The following EPG5 variants were observed in gnomAD, a reference collection of about 807,000 sequenced individuals.
The protein encoded by EPG5 is ectopic P-granules 5 autophagy tethering factor, also known as ectopic P granules protein 5 homolog.
EPG5 carries 159 observed loss-of-function variants against 302.7 expected under a neutral mutation model. That is an observed-to-expected ratio of 0.53 (90% CI 0.46 to 0.60). The LOEUF (loss-of-function observed/expected upper bound fraction) is 0.60. Ranked by LOEUF, EPG5 falls within the 20% of genes least tolerant of loss-of-function variation. EPG5 has a pLI of 0.00. For synonymous variants in EPG5, 1,158 were observed against 1,136.8 expected, an observed-to-expected ratio of 1.02 and a Z score of -0.37; for missense variants, 2,896 against 3,092.4, an observed-to-expected ratio of 0.94 and a Z score of 1.51.
chr18:45,883,067 C>A (rs2049134851), intron 30 of EPG5, among the ~76,000 whole-genome samples: 1 of 149,862 alleles, frequency 6.7e-6, no homozygotes, highest in Non-Finnish European at 1.5e-5. Context: ...GCATCTATTT[C>A]TGTGTTACTA....
chr18:45,915,802 C>CG (rs1407123728), intron 19 of EPG5, among the ~76,000 whole-genome samples, 181 bp from the exon 20 acceptor site: 1 of 152,176 alleles, frequency 6.6e-6, no homozygotes, highest in African/African-American at 2.4e-5. Flanking sequence ...ATGTAACAAG[C>CG]GGGACTCTTC....
chr18:45,889,026 C>T (rs1375544082), intron 28 of EPG5, among the ~76,000 whole-genome samples: 2 of 152,040 alleles, frequency 1.3e-5, no homozygotes, highest in East Asian at 3.9e-4. Context: ...TTTTTGTGTC[C>T]CTTTCCCAGT....
chr18:45,965,346 C>T lies in EPG5; in HGVS notation c.63+1831G>A, dbSNP rs79139670. Among the ~76,000 whole-genome samples the T allele has an allele frequency of 7.0e-3, 1,064 of 152,314 alleles. 11 individuals carry two copies. The highest frequency in any genetic ancestry group is 0.024 in the African/African-American group (1,000 of 41,556). On this transcript the variant is annotated intron_variant, in intron 1 of 43. Transcript: ENST00000282041. ...AAGGATAAAAAAACCACCTGTCAAG[C>T]ACTATACTCATTACCTGGGTGACAA... is the stretch of plus-strand genomic sequence containing the variant.
intron 4 of EPG5, 83 bp from the exon 5 acceptor site, chr18:45,949,674 G>T: frequency 1.2e-6 from 1 of 803,608 alleles, no homozygotes; most frequent in East Asian, 2.7e-5. Context: ...CATTTATCCA[G>T]TGCTTCAATA....
chr18:45,953,067 G>T (rs1568185717), intron 2 of EPG5, among the ~76,000 whole-genome samples: 1 of 152,022 alleles, frequency 6.6e-6, no homozygotes, highest in Non-Finnish European at 1.5e-5. Flanking sequence ...CAGCTACTCG[G>T]GAGGCTGAAG....
At chr18:45,840,182 T>C in the EPG5 span, 2 of 1,612,722 alleles carry the variant, frequency 1.2e-6, no homozygotes, top group East Asian at 2.2e-5. Context: ...TGGAGATTCA[T>C]GCCTGCTCTC....
In EPG5 at chr18:45,949,578, T is replaced by G. The variant is rs1171711393; in HGVS notation, c.1403A>C (p.Gln468Pro). The change falls in exon 5 of 44, where the codon CAA (glutamine) becomes CCA (proline). Residue 468 changes from glutamine (Q) to proline (P), a missense_variant. Coordinates refer to ENST00000282041, the MANE Select transcript of EPG5 (RefSeq NM_020964.3). Reference protein sequence around the residue: ...LWLQKLVSVLQRVGCPGDHLF... With the variant: ...LWLQKLVSVLPRVGCPGDHLF... ...GTGATCTCCAGGACAGCCAACTCTT[T>G]GTAGCACGGATACCTGAACAATAAA... is the stretch of plus-strand genomic sequence containing the variant. The G allele has an allele frequency of 6.2e-7, 1 of 1,609,508 alleles. No individual in the cohort carries two copies. Among genetic ancestry groups the G allele is most frequent in the Admixed American group, 1.7e-5 (1 of 59,950 alleles).
the EPG5 span, among the ~76,000 whole-genome samples, chr18:45,837,335 C>T: frequency 6.6e-6 from 1 of 152,192 alleles, no homozygotes; most frequent in Non-Finnish European, 1.5e-5. Flanking sequence ...CAGGAATTGC[C>T]CCTCAAGTCA....
chr18:45,838,716 A>T, the EPG5 span: 1 of 1,570,828 alleles, frequency 6.4e-7, no homozygotes, highest in South Asian at 1.2e-5. Flanking sequence ...TCTCCCCTGC[A>T]GCCGCGCCGC....
chr18:45,807,021 G>C, the EPG5 span, among the ~76,000 whole-genome samples: 2 of 152,174 alleles, frequency 1.3e-5, no homozygotes, highest in African/African-American at 4.8e-5. Context: ...CAGTGCTATT[G>C]GCAGGCGGGG....
At chr18:45,938,566 T>C (rs114009024) in intron 10 of EPG5, among the ~76,000 whole-genome samples, 566 of 152,266 alleles carry the variant, frequency 3.7e-3, no homozygotes, top group African/African-American at 0.013. Flanking sequence ...TAAGACCTCC[T>C]GATCTTTCTC....
At chr18:45,905,497 T>G (rs900198639) in intron 24 of EPG5, among the ~76,000 whole-genome samples, 1 of 152,230 alleles carries the variant, frequency 6.6e-6, no homozygotes, top group Non-Finnish European at 1.5e-5. Flanking sequence ...GTGTTCAATG[T>G]GCTGGGCTAG....
At chr18:45,813,615 G>C in the EPG5 span, among the ~76,000 whole-genome samples, 4 of 152,156 alleles carry the variant, frequency 2.6e-5, no homozygotes, top group Admixed American at 2.6e-4. Context: ...GTCCTTTGTA[G>C]GGACGTGGAT....
chr18:45,906,722 T>C (rs917521616), intron 24 of EPG5, among the ~76,000 whole-genome samples: 11 of 151,946 alleles, frequency 7.2e-5, no homozygotes, highest in Non-Finnish European at 1.0e-4. Context: ...TGGTGCAATC[T>C]CAGCTCACTG....
At chr18:45,844,592 C>T (rs527281879), downstream of EPG5, among the ~76,000 whole-genome samples, 135 of 152,222 alleles carry the variant, frequency 8.9e-4, no homozygotes, top group Non-Finnish European at 1.5e-3. Context: ...TCCAGGGAGA[C>T]GGTCTGAAGG....
chr18:45,924,290 C>T (rs962117764), intron 14 of EPG5, among the ~76,000 whole-genome samples: 1 of 152,190 alleles, frequency 6.6e-6, no homozygotes. Flanking sequence ...AAGAGGAGAG[C>T]CTAGGTGATT....
rs2145146401 is a variant in EPG5 at position 45,852,459 on chromosome 18, A to G, written c.*8T>C. On this transcript the variant is annotated 3_prime_UTR_variant, in exon 44 of 44. Transcript: ENST00000282041. ...CAGCAATGGGTTTTTCAAGAGCCTC[A>G]GTGTTAACTATCGTATGTGGTCCAA... is the stretch of plus-strand genomic sequence containing the variant. The G allele has an allele frequency of 6.2e-7, 1 of 1,601,234 alleles. No homozygotes were observed. The highest frequency in any genetic ancestry group is 8.5e-7 in the Non-Finnish European group (1 of 1,175,648).
chr18:45,916,656 G>C (rs2050040624), intron 17 of EPG5, 74 bp from the exon 18 acceptor site: 2 of 1,432,776 alleles, frequency 1.4e-6, no homozygotes, highest in East Asian at 2.5e-5. Flanking sequence ...TTACTTATGA[G>C]GAAACAGAAA....
At chr18:45,871,710 T>C (rs967522024) in intron 35 of EPG5, among the ~76,000 whole-genome samples, 28 of 152,118 alleles carry the variant, frequency 1.8e-4, no homozygotes, top group Non-Finnish European at 3.5e-4. Context: ...CTCTTACTCA[T>C]ATGTGGAATC....
Sources: gnomAD v4.1 joint callset for allele counts (sites outside exome capture counted in the v4.1 genomes callset) on GRCh38, gnomAD v4.1.1 for gene constraint, MANE v1.5 for transcripts, NCBI Gene and HGNC (gene_info 2026-07-23, HGNC 2026-07-21) for gene names.